Variants in IQUB observed in about 807,000 individuals in gnomAD.
IQUB encodes the protein IQ motif and ubiquitin-like domain-containing protein.
In IQUB, 86 loss-of-function variants were observed where a neutral mutation model predicts 86.4. The observed-to-expected ratio is 1.00, with a 90% CI of 0.84 to 1.19. The LOEUF is 1.19. Ranked by LOEUF, IQUB falls within the 50% of genes most tolerant of loss-of-function variation. The pLI, the probability that IQUB is intolerant of heterozygous loss-of-function variation, is 0.00. For synonymous variants in IQUB, 289 were observed against 304.5 expected (o/e 0.95, Z 0.53); for missense variants, 946 against 916.9 (o/e 1.03, Z -0.41).
chr7:123,487,626 G>A (rs1272453190), intron 7 of IQUB, among the ~76,000 whole-genome samples: 3 of 152,202 alleles, frequency 2.0e-5, no homozygotes, highest in African/African-American at 7.2e-5. Flanking sequence ...AACTATGCTT[G>A]TGTTTAATCT....
chr7:123,457,275 A>C, intron 12 of IQUB, 106 bp downstream of exon 12: 1 of 1,460,998 alleles, frequency 6.8e-7, no homozygotes, highest in Non-Finnish European at 9.0e-7. Flanking sequence ...CTGTTTCTTA[A>C]TCTGATGGAA....
chr7:123,494,425 G>A lies in IQUB; in HGVS notation c.1234+2271C>T, dbSNP rs192922812. Among the ~76,000 whole-genome samples, 193 of 152,170 alleles carry A rather than the reference G, an allele frequency of 1.3e-3. 1 individual carries two copies. Among genetic ancestry groups the A allele is most frequent in the African/African-American group, 4.3e-3 (177 of 41,556 alleles). On this transcript the variant is annotated intron_variant, in intron 7 of 12. Coordinates refer to ENST00000324698, the MANE Select transcript of IQUB (RefSeq NM_178827.5). ...AGGAATGGAGTTATGAATATGAAATGAAGAAAATTACAGAAGAGCAATATA... is the reference window on the plus strand; with the variant it reads ...AGGAATGGAGTTATGAATATGAAATAAAGAAAATTACAGAAGAGCAATATA...
In IQUB at chr7:123,532,129, T is replaced by C. The variant is rs186747011; in HGVS notation, c.-5+2363A>G. On this transcript the variant is annotated intron_variant, in intron 1 of 12. Transcript: ENST00000324698. ...GTTAATCAAGTAGCAGAGGCAGGAT[T>C]TGAACCCAGGAATTCTGGTTCCAGG... 6.5e-3 allele frequency among the ~76,000 whole-genome samples: 984 copies of C among 152,342 alleles called. 4 individuals carry two copies. Among genetic ancestry groups the C allele is most frequent in the Middle Eastern group, 0.017 (5 of 294 alleles).
chr7:123,465,205 T>C (rs1406609587), intron 9 of IQUB, among the ~76,000 whole-genome samples, 196 bp from the exon 10 acceptor site: 2 of 151,930 alleles, frequency 1.3e-5, no homozygotes, highest in Non-Finnish European at 2.9e-5. Flanking sequence ...TTGTACTATA[T>C]ACAACAAAAA....
chr7:123,485,726 A>T (rs1259023138), intron 7 of IQUB, among the ~76,000 whole-genome samples: 3 of 152,172 alleles, frequency 2.0e-5, no homozygotes, highest in Non-Finnish European at 2.9e-5. Flanking sequence ...TATTTTGTCT[A>T]CCATTGGCAG....
intron 1 of IQUB, among the ~76,000 whole-genome samples, chr7:123,527,421 C>T (rs929955986): frequency 2.6e-5 from 4 of 152,138 alleles, no homozygotes; most frequent in Non-Finnish European, 5.9e-5. Flanking sequence ...TTTTTCTGCT[C>T]TGTTTTTTCC....
At position 123,523,487 on chromosome 7, in the gene IQUB, T is replaced by G. The variant is rs1033527727; in HGVS notation, c.-5+11005A>C. On this transcript the variant is annotated intron_variant, in intron 1 of 12. Transcript: ENST00000324698. The stretch of plus-strand genomic sequence containing the variant: ...AGCATTTTTTCATGTGTTTTTTGGC[T>G]GCATAAATGTCTTCTTTTGAGAAGT... Among the ~76,000 whole-genome samples, 36 of 152,148 alleles carry G rather than the reference T, an allele frequency of 2.4e-4. 1 individual carries two copies. Among genetic ancestry groups the G allele is most frequent in the Non-Finnish European group, 4.4e-5 (3 of 68,032 alleles).
At chr7:123,473,568 T>A (rs1221691763) in intron 8 of IQUB, among the ~76,000 whole-genome samples, 1 of 151,186 alleles carries the variant, frequency 6.6e-6, no homozygotes, top group Non-Finnish European at 1.5e-5. Flanking sequence ...GTTCTTTTGT[T>A]TTTTTGTTTT....
chr7:123,494,675 A>G (rs1352398518), intron 7 of IQUB, among the ~76,000 whole-genome samples: 1 of 152,154 alleles, frequency 6.6e-6, no homozygotes. Flanking sequence ...CATTTGCCAT[A>G]GAACAATAGC....
At chr7:123,454,304 AGAT>A (rs1260288611) in intron 12 of IQUB, among the ~76,000 whole-genome samples, 5 of 152,114 alleles carry the variant, frequency 3.3e-5, no homozygotes, top group Non-Finnish European at 5.9e-5. Context: ...AAATTATTAA[AGAT>A]GAGATAAATT....
Position 123,514,114 on chromosome 7 carries a change from AG to A in IQUB, c.-4-1771del, listed in dbSNP as rs1796545379. On this transcript the variant is annotated intron_variant, in intron 1 of 12. Transcript: ENST00000324698. Reference sequence around the variant, plus strand: ...TGAAATTACAGACTATCGAAGACAAAGAGAAGGTCCTGAAAGTACAATGATA... The same window carrying A: ...TGAAATTACAGACTATCGAAGACAAAAGAAGGTCCTGAAAGTACAATGATA... 5.9e-5 allele frequency among the ~76,000 whole-genome samples: 9 copies of A among 152,356 alleles called. No individual in the cohort carries two copies. In the South Asian group the frequency reaches 1.9e-3, roughly 32 times the overall value.
intron 8 of IQUB, among the ~76,000 whole-genome samples, chr7:123,469,743 G>A (rs1161576508): frequency 6.6e-6 from 1 of 152,084 alleles, no homozygotes; most frequent in East Asian, 1.9e-4. Context: ...AATATGTCTT[G>A]ATCCTGCCTT....
intron 9 of IQUB, among the ~76,000 whole-genome samples, chr7:123,468,836 A>G (rs1464429050): frequency 6.6e-6 from 1 of 152,202 alleles, no homozygotes; most frequent in East Asian, 1.9e-4. Flanking sequence ...TAGGATTAAG[A>G]ACACAGAAAA....
chr7:123,466,572 G>A (rs1794272217), intron 9 of IQUB, among the ~76,000 whole-genome samples: 1 of 152,130 alleles, frequency 6.6e-6, no homozygotes, highest in South Asian at 2.1e-4. Flanking sequence ...ATGGAGATCT[G>A]TCTCCCTGGA....
intron 1 of IQUB, among the ~76,000 whole-genome samples, chr7:123,530,392 C>T (rs1192474234): frequency 6.6e-6 from 1 of 151,464 alleles, no homozygotes; most frequent in Admixed American, 6.6e-5. Flanking sequence ...GCTGAGATAG[C>T]GCCACTGCAC....
intron 12 of IQUB, among the ~76,000 whole-genome samples, chr7:123,454,657 G>A (rs1395972671): frequency 1.3e-5 from 2 of 152,044 alleles, no homozygotes; most frequent in Non-Finnish European, 2.9e-5. Flanking sequence ...AATTCTTTGG[G>A]TGTACAAATA....
intron 12 of IQUB, among the ~76,000 whole-genome samples, chr7:123,454,648 A>G (rs1793607547): frequency 6.6e-6 from 1 of 152,132 alleles, no homozygotes; most frequent in Admixed American, 6.6e-5. Context: ...ATGTTCACAA[A>G]TTCTTTGGGT....
intron 1 of IQUB, among the ~76,000 whole-genome samples, chr7:123,527,859 A>G (rs941345066): frequency 2.0e-4 from 30 of 152,272 alleles, no homozygotes; most frequent in South Asian, 4.1e-4. Context: ...GGAGCTTCCC[A>G]GCTGCTTTGT....
At chr7:123,466,726 G>A (rs1273110009) in intron 9 of IQUB, among the ~76,000 whole-genome samples, 1 of 152,144 alleles carries the variant, frequency 6.6e-6, no homozygotes. Context: ...TTATGCTTAT[G>A]AAATTCTCAG....
Sources: gnomAD v4.1 joint callset for allele counts (sites outside exome capture counted in the v4.1 genomes callset) on GRCh38, gnomAD v4.1.1 for gene constraint, MANE v1.5 for transcripts, NCBI Gene and HGNC (gene_info 2026-07-23, HGNC 2026-07-21) for gene names.